The following PRR36 variants were observed in gnomAD, a reference collection of about 807,000 sequenced individuals.
The protein encoded by PRR36 is proline rich 36.
Under a neutral mutation model 58.6 loss-of-function variants are expected in PRR36, and 30 were observed. The observed-to-expected ratio is 0.51, with a 90% CI of 0.38 to 0.69. The LOEUF is 0.69. Ranked by LOEUF, PRR36 falls within the 30% of genes least tolerant of loss-of-function variation. The pLI is 0.00. For missense variants in PRR36, 1,692 were observed against 1,805.6 expected (o/e 0.94, Z 1.14); for synonymous variants, 771 against 829.3 (o/e 0.93, Z 1.21).
rs776787377 is a variant in PRR36, at chr19:7,873,216, G to A, written c.355C>T (p.Arg119Cys). The change falls in exon 3 of 6, where the codon CGT becomes TGT. Residue 119 changes from arginine to cysteine, a missense_variant. Physicochemically the swap from Arg to Cys is radical, Grantham distance 180. This residue lies in a region of PRR36 where 975 missense variants were observed against 955.2 expected (regional missense o/e 1.02). Transcript: ENST00000618550. This position sits in a 1 kb window ranked among gnomAD's most constrained non-coding sequence, Gnocchi z 5.0. ...TSPGPVSSPG[R>C]ASGTTRPGPL... The stretch of plus-strand genomic sequence containing the variant: ...GGTTACCTGGTGGTCCCGCTGGCAC[G>A]CCCTGGGCTAGAAACAGGGCCTGGG... 5.9e-6 allele frequency: 9 copies of A among 1,536,010 alleles called. No homozygotes were observed. The South Asian group carries it at 9.5e-5, about 16-fold the overall frequency.
Position 7,870,071 on chromosome 19 carries a change from G to C in PRR36, c.3173C>G (p.Ala1058Gly). The change falls in exon 5 of 6, where the codon GCA becomes GGA. Residue 1058 changes from alanine (A) to glycine (G), a missense_variant. Physicochemically the swap from Ala to Gly is moderately conservative, Grantham distance 60. This residue lies in a region of PRR36 where 485 missense variants were observed against 549.2 expected (regional missense o/e 0.88). Transcript: ENST00000618550. ...GGGAGGGACCTGCAGAAGGGGCGCT[G>C]CCAGAACAGGTGGGGCCTGTGGAGG... ...TPPPQAPPVL[A>G]APLLQVPPSP... 2 of 1,482,056 alleles carry C rather than the reference G, an allele frequency of 1.3e-6. No homozygotes were observed. The highest frequency in any genetic ancestry group is 1.8e-6 in the Non-Finnish European group (2 of 1,122,388). The allele number at this position is 1,482,056 out of a possible 1,614,324, so 91.8% of individuals were successfully genotyped here. A position where few individuals can be genotyped will look rare whatever the true frequency, so the allele number is the denominator to read the frequency against.
intron 5 of PRR36, 52 bp from the exon 6 acceptor site, chr19:7,869,596 C>T (rs1980279549): frequency 1.3e-6 from 2 of 1,493,242 alleles, no homozygotes; most frequent in Admixed American, 4.3e-5. Context: ...CCCGCCCCTG[C>T]CTCAAGGTCC....
chr19:7,869,881 G>A lies in PRR36; in HGVS notation c.3363C>T (p.Gly1121=). The A allele has an allele frequency of 1.5e-6, 2 of 1,336,678 alleles. No individual in the cohort carries two copies. Among genetic ancestry groups the A allele is most frequent in the Admixed American group, 4.0e-5 (1 of 25,018 alleles). 82.8% of individuals were successfully genotyped at this position (1,336,678 alleles called of 1,614,324 possible). ...GCGTGCTCGTGGCGCTGCTGCTGTG[G>A]CCGGCCAGGTCTGGGCCGCTCAGCG... ...SSTLSGPDLA[G]HSSSATSTPE... is the part of the protein sequence containing the mutation. Residue 1121 remains glycine, a synonymous_variant, in exon 5 of 6, where the codon GGC becomes GGT. Transcript: ENST00000618550.
rs1568251524 is a variant in PRR36, at chr19:7,870,634, G to T, written c.2610C>A (p.Pro870=). ...CCAGAGCATTTGGGGCCTGTGGAGA[G>T]GGTGTGGCCAAAGGAGACAGAGGGG... is the stretch of plus-strand genomic sequence containing the variant. ...ASPPLSPLAT[P]SPQAPNALAV... is the part of the protein sequence containing the mutation. Residue 870 remains proline (P), a synonymous_variant, in exon 5 of 6, where the codon CCC becomes CCA. Coordinates refer to ENST00000618550, the MANE Select transcript of PRR36 (RefSeq NM_001190467.2). The T allele has an allele frequency of 1.5e-6, 2 of 1,362,562 alleles. No individual in the cohort carries two copies. The highest frequency in any genetic ancestry group is 1.9e-6 in the Non-Finnish European group (2 of 1,061,110). 84.4% of individuals were successfully genotyped at this position (1,362,562 alleles called of 1,614,324 possible). A position where few individuals can be genotyped will look rare whatever the true frequency, so the allele number is the denominator to read the frequency against.
At position 7,871,336 on chromosome 19, in the gene PRR36, G is replaced by T. The variant is rs1448156286; in HGVS notation, c.1908C>A (p.Thr636=). 1 of 1,530,150 alleles carries T rather than the reference G, an allele frequency of 6.5e-7. No individual in the cohort carries two copies. The highest frequency in any genetic ancestry group is 8.7e-7 in the Non-Finnish European group (1 of 1,143,242). The allele number at this position is 1,530,150 out of a possible 1,614,324, so 94.8% of individuals were successfully genotyped here. The change falls in exon 5 of 6, where the codon ACC becomes ACA. Residue 636 remains threonine, a synonymous_variant. Coordinates refer to ENST00000618550, the MANE Select transcript of PRR36 (RefSeq NM_001190467.2). ...HSFLTMSPRQ[T]QASLISPSRP... ...GAGAAGGTGAGATCAAAGAAGCTTG[G>T]GTTTGCCTAGGGGACATTGTCAGGA...
Position 7,871,413 on chromosome 19 carries a change from G to T in PRR36, c.1831C>A (p.Leu611Met). ...APPSPLALSS[L>M]QATTSLGSPT... ...GAGCCCAAAGAAGTTGTGGCCTGCA[G>T]AGAGGACAAAGCCAGAGGAGAGGGA... The change falls in exon 5 of 6, where the codon CTG becomes ATG. Residue 611 changes from leucine to methionine, a missense_variant. This residue lies in a region of PRR36 where 975 missense variants were observed against 955.2 expected (regional missense o/e 1.02). Transcript: ENST00000618550. 6.5e-7 allele frequency: 1 copy of T among 1,535,850 alleles called. No individual in the cohort carries two copies. The highest frequency in any genetic ancestry group is 8.7e-7 in the Non-Finnish European group (1 of 1,146,848).
In PRR36 at chr19:7,869,730, A is replaced by G. The variant is rs563032058; in HGVS notation, c.3514T>C (p.Phe1172Leu). The change falls in exon 5 of 6, where the codon TTC becomes CTC. Residue 1172 changes from phenylalanine to leucine, a missense_variant. Transcript: ENST00000618550. ...TGCCCCTTACCTGGGGCTCCGCGGA[A>G]AGCCAGCGGCGGAGCGGGGCCTCGA... ...WSRGPAPPLAFRGAPGAPLPW... is the reference protein window; with the variant it reads ...WSRGPAPPLALRGAPGAPLPW... The G allele has an allele frequency of 4.0e-4, 537 of 1,345,530 alleles. No homozygotes were observed. Among genetic ancestry groups the G allele is most frequent in the Non-Finnish European group, 4.9e-4 (518 of 1,052,778 alleles). The allele number at this position is 1,345,530 out of a possible 1,614,324, so 83.3% of individuals were successfully genotyped here. A position where few individuals can be genotyped will look rare whatever the true frequency, so the allele number is the denominator to read the frequency against.
At position 7,869,081 on chromosome 19, in the gene PRR36, G is replaced by A. The variant is rs1279506038; in HGVS notation, c.3993C>T (p.Ala1331=). 5.9e-6 allele frequency: 9 copies of A among 1,534,546 alleles called. No individual in the cohort carries two copies. The highest frequency in any genetic ancestry group is 7.0e-6 in the Non-Finnish European group (8 of 1,146,376). Residue 1331 remains alanine (A), a synonymous_variant, in exon 6 of 6, where the codon GCC becomes GCT. Transcript: ENST00000618550. ...CCACGGTCCAGTCACCCTGCGGGGA[G>A]GCCACGTCGTCCGGAGAGAAGCTGG... ...SVTSFSPDDV[A]SPQGDWTVVE...
At position 7,869,372 on chromosome 19, in the gene PRR36, C is replaced by T. The variant is rs1021831999; in HGVS notation, c.3702G>A (p.Ala1234=). 6 of 1,435,914 alleles carry T rather than the reference C, an allele frequency of 4.2e-6. No homozygotes were observed. Among genetic ancestry groups the T allele is most frequent in the Non-Finnish European group, 5.4e-6 (6 of 1,105,828 alleles). The allele number at this position is 1,435,914 out of a possible 1,614,324, so 88.9% of individuals were successfully genotyped here. Reference sequence around the variant, plus strand: ...GCGCCTGCTTCGGGCTCCGCGAGGACGCCCCGGCCCCGGCCCCAGCCGCCG... The same window carrying T: ...GCGCCTGCTTCGGGCTCCGCGAGGATGCCCCGGCCCCGGCCCCAGCCGCCG... The part of the protein sequence containing the change: ...GKAAAGAGAG[A]SSRSPKQARL... The change falls in exon 6 of 6, where the codon GCG becomes GCA. Residue 1234 remains alanine, a synonymous_variant. Coordinates refer to ENST00000618550, the MANE Select transcript of PRR36 (RefSeq NM_001190467.2).
Position 7,869,264 on chromosome 19 carries a change from G to C in PRR36, c.3810C>G (p.Ala1270=), listed in dbSNP as rs1225867959. 3.4e-6 allele frequency: 5 copies of C among 1,467,296 alleles called. No individual in the cohort carries two copies. The highest frequency in any genetic ancestry group is 2.0e-4 in the Middle Eastern group (1 of 4,976). 90.9% of individuals were successfully genotyped at this position (1,467,296 alleles called of 1,614,324 possible). ...CGCCGCTGCCGCCCGCGGCACCCTC[G>C]GCAGCCGCCAGCAGCAGCGTCCGGC... is the stretch of plus-strand genomic sequence containing the variant. ...LLSRTLLLAA[A]EGAAGGSGGG... The change falls in exon 6 of 6, where the codon GCC becomes GCG. Residue 1270 remains alanine (A), a synonymous_variant. Coordinates refer to ENST00000618550, the MANE Select transcript of PRR36 (RefSeq NM_001190467.2).
chr19:7,869,938 C>T lies in PRR36; in HGVS notation c.3306G>A (p.Pro1102=), dbSNP rs1452830391. 12 of 1,364,834 alleles carry T rather than the reference C, an allele frequency of 8.8e-6. No homozygotes were observed. The highest frequency in any genetic ancestry group is 1.7e-5 in the South Asian group (1 of 57,936). 84.5% of individuals were successfully genotyped at this position (1,364,834 alleles called of 1,614,324 possible). ...PRLTLALAPG[P]PPPPSRSPSS... is the part of the protein sequence containing the mutation. ...ACGGGCTGCGCGAGGGCGGCGGCGGCGGGCCGGGGGCCAACGCCAGGGTCA... is the reference window on the plus strand; with the variant it reads ...ACGGGCTGCGCGAGGGCGGCGGCGGTGGGCCGGGGGCCAACGCCAGGGTCA... Residue 1102 remains proline, a synonymous_variant, in exon 5 of 6, where the codon CCG becomes CCA. Coordinates refer to ENST00000618550, the MANE Select transcript of PRR36 (RefSeq NM_001190467.2).
chr19:7,871,979 G>C lies in PRR36; in HGVS notation c.1265C>G (p.Ser422Ter). ...AGGGGATGAAACTGATGGAGAGACTGAAGCCACAAAAGCGGCTGTGGCCAG... is the reference window on the plus strand; with the variant it reads ...AGGGGATGAAACTGATGGAGAGACTCAAGCCACAAAAGCGGCTGTGGCCAG... Reference protein sequence around the residue: ...SSLATAAFVASVSPSVSSPLQ... With the variant: ...SSLATAAFVA Residue 422 changes from serine to a stop codon, truncating the protein, a stop_gained, in exon 5 of 6, where the codon TCA becomes TGA. Coordinates refer to ENST00000618550, the MANE Select transcript of PRR36 (RefSeq NM_001190467.2). LOFTEE classifies it high-confidence loss of function. 1 of 1,535,742 alleles carries C rather than the reference G, an allele frequency of 6.5e-7. No individual in the cohort carries two copies. The highest frequency in any genetic ancestry group is 8.7e-7 in the Non-Finnish European group (1 of 1,146,838).
In PRR36 at chr19:7,869,831, C is replaced by T; in HGVS notation, c.3413G>A (p.Ser1138Asn). 1 of 1,350,128 alleles carries T rather than the reference C, an allele frequency of 7.4e-7. No individual in the cohort carries two copies. The highest frequency in any genetic ancestry group is 1.8e-5 in the South Asian group (1 of 54,466). The allele number at this position is 1,350,128 out of a possible 1,614,324, so 83.6% of individuals were successfully genotyped here. ...STPEELRGYD[S>N]GPEGGAAASP... Reference sequence around the variant, plus strand: ...GGCTGCGGCACCGCCCTCGGGCCCGCTGTCGTAGCCACGCAGCTCCTCTGG... The same window carrying T: ...GGCTGCGGCACCGCCCTCGGGCCCGTTGTCGTAGCCACGCAGCTCCTCTGG... Residue 1138 changes from serine (S) to asparagine (N), a missense_variant, in exon 5 of 6, where the codon AGC becomes AAC. Ser to Asn is a conservative substitution (Grantham distance 46). This residue lies in a region of PRR36 where 485 missense variants were observed against 549.2 expected (regional missense o/e 0.88). Transcript: ENST00000618550.
Position 7,872,807 on chromosome 19 carries a change from C to T in PRR36, c.487+42G>A. The T allele has an allele frequency of 6.5e-7, 1 of 1,529,868 alleles. No homozygotes were observed. Among genetic ancestry groups the T allele is most frequent in the Non-Finnish European group, 8.7e-7 (1 of 1,143,672 alleles). 94.8% of individuals were successfully genotyped at this position (1,529,868 alleles called of 1,614,324 possible). A position where few individuals can be genotyped will look rare whatever the true frequency, so the allele number is the denominator to read the frequency against. On this transcript the variant is annotated intron_variant, in intron 4 of 5. Coordinates refer to ENST00000618550, the MANE Select transcript of PRR36 (RefSeq NM_001190467.2). This position sits in a 1 kb window ranked among gnomAD's most constrained non-coding sequence, Gnocchi z 6.1. ...GTCACCGATACCTCTGAGGCGGCTC[C>T]CCTTGCTGCCCAGGAACCCCACTCT...
Position 7,874,380 on chromosome 19 carries a change from G to A in PRR36, c.-102C>T, listed in dbSNP as rs1980608050. ...TGGCCGCCAGCGGCGAGGAGGCGAG[G>A]GGAGGGGGCTGCGGGCTGCGGCGCC... On this transcript the variant is annotated 5_prime_UTR_variant, in exon 1 of 6. Coordinates refer to ENST00000618550, the MANE Select transcript of PRR36 (RefSeq NM_001190467.2). This position sits in a 1 kb window ranked among gnomAD's most constrained non-coding sequence, Gnocchi z 6.0. 6.6e-6 allele frequency: 1 copy of A among 150,832 alleles called. No individual in the cohort carries two copies. The highest frequency in any genetic ancestry group is 1.5e-5 in the Non-Finnish European group (1 of 67,470). 9.3% of individuals were successfully genotyped at this position (150,832 alleles called of 1,614,324 possible).
rs1189605139 is a variant in PRR36, at chr19:7,872,268, G to A, written c.976C>T (p.Pro326Ser). 1 of 1,457,004 alleles carries A rather than the reference G, an allele frequency of 6.9e-7. No individual in the cohort carries two copies. The highest frequency in any genetic ancestry group is 2.6e-5 in the Admixed American group (1 of 37,852). 90.3% of individuals were successfully genotyped at this position (1,457,004 alleles called of 1,614,324 possible). Residue 326 changes from proline (P) to serine (S), a missense_variant, in exon 5 of 6, where the codon CCC becomes TCC. Physicochemically the swap from Pro to Ser is moderately conservative, Grantham distance 74. Around this residue, in one of 5 missense-constraint regions of PRR36, gnomAD observed 975 missense variants for 955.2 expected, o/e 1.02. Coordinates refer to ENST00000618550, the MANE Select transcript of PRR36 (RefSeq NM_001190467.2). The surrounding 1 kb of genome is among the most constrained non-coding windows in gnomAD (Gnocchi z 6.1). Reference sequence around the variant, plus strand: ...GAGGGAGGGAGCGTGGCTGGCAGGGGAGTGGCTGCATTGTCGGGAGGCGGT... The same window carrying A: ...GAGGGAGGGAGCGTGGCTGGCAGGGAAGTGGCTGCATTGTCGGGAGGCGGT... The part of the protein sequence containing the change: ...PVPPPDNAAT[P>S]LPATLPPSPP...
At position 7,871,597 on chromosome 19, in the gene PRR36, A is replaced by G. The variant is rs1022836001; in HGVS notation, c.1647T>C (p.Val549=). The stretch of plus-strand genomic sequence containing the variant: ...GCGGTGAGGCCAAAAGAGAGGGAGA[A>G]ACTAGAGGAGGATCCTGCAGAGAGA... The part of the protein sequence containing the change: ...TTVSLQDPPL[V]SPSLLASPPL... The change falls in exon 5 of 6, where the codon GTT becomes GTC. Residue 549 remains valine, a synonymous_variant. Coordinates refer to ENST00000618550, the MANE Select transcript of PRR36 (RefSeq NM_001190467.2). The G allele has an allele frequency of 3.8e-5, 59 of 1,535,188 alleles. No individual in the cohort carries two copies. The highest frequency in any genetic ancestry group is 4.7e-5 in the Non-Finnish European group (54 of 1,146,724).
chr19:7,869,659 C>A, intron 5 of PRR36, 56 bp downstream of exon 5: 1 of 1,389,546 alleles, frequency 7.2e-7, no homozygotes, highest in South Asian at 1.5e-5. Flanking sequence ...CCCTGAGCTG[C>A]GAAGCCTCGC....
chr19:7,870,817 TA>T lies in PRR36; in HGVS notation c.2426del (p.Ile809LysfsTer113). 1 of 1,432,162 alleles carries T rather than the reference TA, an allele frequency of 7.0e-7. No individual in the cohort carries two copies. Among genetic ancestry groups the T allele is most frequent in the Non-Finnish European group, 9.1e-7 (1 of 1,100,088 alleles). The allele number at this position is 1,432,162 out of a possible 1,614,324, so 88.7% of individuals were successfully genotyped here. ...TTPPPETPSS[I>X]ATPPPQAPPA... is the part of the protein sequence containing the mutation. ...GTGGGGCCTGTGGAGGAGGCGTGGCTATGGAAGAGGGCGTCTCCGGAGGGGG... is the reference window on the plus strand; with the variant it reads ...GTGGGGCCTGTGGAGGAGGCGTGGCTTGGAAGAGGGCGTCTCCGGAGGGGG... On this transcript the variant is annotated frameshift_variant, in exon 5 of 6. Coordinates refer to ENST00000618550, the MANE Select transcript of PRR36 (RefSeq NM_001190467.2). LOFTEE classifies it high-confidence loss of function.
Sources: allele counts gnomAD v4.1 joint callset, GRCh38; gene constraint gnomAD v4.1.1; regional missense constraint gnomAD v4.1.1; non-coding constraint Gnocchi (gnomAD v3.1); transcripts MANE v1.5; gene names NCBI Gene and HGNC (gene_info 2026-07-23, HGNC 2026-07-21).